RALYL: variants seen among roughly 807,000 people sequenced by gnomAD.
The protein encoded by RALYL is RNA-binding Raly-like protein.
A neutral mutation model predicts 35.1 loss-of-function variants in RALYL; 29 were observed. The ratio of observed to expected loss-of-function variants is 0.83; its 90% CI spans 0.61 to 1.13. RALYL has a LOEUF of 1.13. Ranked by LOEUF, RALYL falls within the 50% of genes most tolerant of loss-of-function variation. The pLI is 0.00. For missense variants in RALYL, 359 were observed against 360.4 expected, an observed-to-expected ratio of 1.00 and a Z score of 0.03; for synonymous variants, 120 against 127.6, an observed-to-expected ratio of 0.94 and a Z score of 0.40.
chr8:84,321,817 CT>C (rs1844879650), intron 1 of RALYL, among the ~76,000 whole-genome samples: 1 of 151,946 alleles, frequency 6.6e-6, no homozygotes, highest in Admixed American at 6.6e-5. Context: ...TTAAGACAGA[CT>C]TAAAGTAAAG....
chr8:84,650,554 T>A (rs928132819), intron 2 of RALYL, among the ~76,000 whole-genome samples: 5 of 151,822 alleles, frequency 3.3e-5, no homozygotes, highest in African/African-American at 4.8e-5. Flanking sequence ...ATGGCAAACA[T>A]TAAAAAGTCA....
At chr8:84,719,159 T>C (rs1475163935) in intron 2 of RALYL, among the ~76,000 whole-genome samples, 3 of 152,184 alleles carry the variant, frequency 2.0e-5, no homozygotes, top group Non-Finnish European at 4.4e-5. Flanking sequence ...ATCTAGTCAT[T>C]TGGCTATAAC....
intron 1 of RALYL, among the ~76,000 whole-genome samples, chr8:84,324,658 T>C (rs889850204): frequency 6.6e-5 from 10 of 152,160 alleles, no homozygotes; most frequent in Admixed American, 2.6e-4. Context: ...TGCGGAGTGA[T>C]GCTTTTGTTT....
chr8:84,882,830 C>T (rs970291338), intron 7 of RALYL, among the ~76,000 whole-genome samples: 6 of 125,584 alleles, frequency 4.8e-5, no homozygotes, highest in East Asian at 2.7e-4. Context: ...GTATAAAGAA[C>T]GAACTAAACG....
intron 1 of RALYL, among the ~76,000 whole-genome samples, chr8:84,440,458 T>C (rs556144310): frequency 6.6e-4 from 100 of 152,178 alleles, no homozygotes; most frequent in Non-Finnish European, 1.2e-3. Context: ...TTTGGAGGGA[T>C]TGAATAAGAT....
intron 2 of RALYL, among the ~76,000 whole-genome samples, chr8:84,655,494 A>G (rs1375333257): frequency 6.6e-6 from 1 of 151,948 alleles, no homozygotes; most frequent in East Asian, 1.9e-4. Flanking sequence ...ATGCGCAGCT[A>G]ATTGTTGTAT....
At chr8:84,836,440 G>A (rs564617837) in intron 4 of RALYL, among the ~76,000 whole-genome samples, 1 of 152,190 alleles carries the variant, frequency 6.6e-6, no homozygotes, top group South Asian at 2.1e-4. Flanking sequence ...GGTCCCATTA[G>A]GTTTCTCCTC....
At chr8:84,247,695 A>G (rs990500333) in intron 1 of RALYL, among the ~76,000 whole-genome samples, 2 of 152,122 alleles carry the variant, frequency 1.3e-5, no homozygotes, top group African/African-American at 4.8e-5. Flanking sequence ...ATTATTTTCC[A>G]AGAGCTTATA....
At chr8:84,327,861 T>G (rs1846108621) in intron 1 of RALYL, among the ~76,000 whole-genome samples, 1 of 152,190 alleles carries the variant, frequency 6.6e-6, no homozygotes, top group Non-Finnish European at 1.5e-5. Context: ...ATATAGACTA[T>G]GCTTAGAAAT....
intron 1 of RALYL, among the ~76,000 whole-genome samples, chr8:84,234,423 A>G (rs1563579593): frequency 6.6e-6 from 1 of 152,230 alleles, no homozygotes; most frequent in Non-Finnish European, 1.5e-5. Flanking sequence ...GACTTCTTCA[A>G]CCTGAATCCT....
At chr8:84,587,687 T>C (rs1812307574) in intron 2 of RALYL, among the ~76,000 whole-genome samples, 1 of 152,158 alleles carries the variant, frequency 6.6e-6, no homozygotes, top group Non-Finnish European at 1.5e-5. Context: ...AAATTTTAAA[T>C]TAAATATTTA....
At chr8:84,780,853 TTTTG>T (rs1028584736) in intron 3 of RALYL, among the ~76,000 whole-genome samples, 2 of 152,228 alleles carry the variant, frequency 1.3e-5, no homozygotes, top group South Asian at 2.1e-4. Context: ...TTTTCTTGTT[TTTTG>T]TTTGTTTGTT....
Position 84,472,009 on chromosome 8 carries a change from CA to C in RALYL, c.-23-57289del, listed in dbSNP as rs1348914403. Reference sequence around the variant, plus strand: ...CTAGTAAACAGAACTGCAAAATTCTCAGTAGGAACACTTTCATTACTTTATT... The same window carrying C: ...CTAGTAAACAGAACTGCAAAATTCTCGTAGGAACACTTTCATTACTTTATT... On this transcript the variant is annotated intron_variant, in intron 1 of 8. Coordinates refer to ENST00000521268, the MANE Select transcript of RALYL (RefSeq NM_173848.7). 2.6e-5 allele frequency among the ~76,000 whole-genome samples: 4 copies of C among 152,150 alleles called. No homozygotes were observed. The East Asian group carries it at 7.7e-4, about 29-fold the overall frequency.
At chr8:84,596,549 T>C (rs1814581873) in intron 2 of RALYL, among the ~76,000 whole-genome samples, 1 of 152,142 alleles carries the variant, frequency 6.6e-6, no homozygotes, top group South Asian at 2.1e-4. Flanking sequence ...AGAAGTCTAA[T>C]TTGCTGGTCT....
chr8:84,554,900 G>C (rs541881174), intron 2 of RALYL, among the ~76,000 whole-genome samples: 5 of 152,068 alleles, frequency 3.3e-5, no homozygotes, highest in Non-Finnish European at 5.9e-5. Flanking sequence ...CATGTGAGTC[G>C]CCCATTTTTT....
intron 2 of RALYL, among the ~76,000 whole-genome samples, chr8:84,576,007 T>A (rs572294213): frequency 6.6e-6 from 1 of 151,546 alleles, no homozygotes; most frequent in East Asian, 1.9e-4. Context: ...TGAAACAAGT[T>A]ATTATTCTAT....
At chr8:84,347,966 G>GA (rs1017624030) in intron 1 of RALYL, among the ~76,000 whole-genome samples, 9 of 152,004 alleles carry the variant, frequency 5.9e-5, no homozygotes, top group Non-Finnish European at 8.8e-5. Flanking sequence ...GGGAATTGAT[G>GA]AAAAAAACCC....
intron 2 of RALYL, among the ~76,000 whole-genome samples, chr8:84,535,980 C>T (rs749491554): frequency 1.1e-4 from 17 of 152,174 alleles, no homozygotes; most frequent in Non-Finnish European, 2.2e-4. Flanking sequence ...TAAAACAATG[C>T]TTTGAATTAT....
intron 1 of RALYL, among the ~76,000 whole-genome samples, chr8:84,359,527 T>C (rs1852521109): frequency 6.6e-6 from 1 of 152,094 alleles, no homozygotes; most frequent in African/African-American, 2.4e-5. Flanking sequence ...AAAAAAGAAG[T>C]ATTTTAGTCA....
Sources: gnomAD v4.1 joint callset for allele counts (sites outside exome capture counted in the v4.1 genomes callset) on GRCh38, gnomAD v4.1.1 for gene constraint, MANE v1.5 for transcripts, NCBI Gene and HGNC (gene_info 2026-07-23, HGNC 2026-07-21) for gene names.